Variants in C4orf51 observed in about 807,000 individuals in gnomAD.
C4orf51 encodes chromosome 4 open reading frame 51.
In C4orf51, 25 loss-of-function variants were observed where a neutral mutation model predicts 25.2. That is an observed-to-expected ratio of 0.99 (90% CI 0.72 to 1.39). The LOEUF (loss-of-function observed/expected upper bound fraction) is 1.39, where lower values mean the gene tolerates loss of function less well. C4orf51 is among the 40% of genes most tolerant of loss of function. C4orf51 has a pLI of 0.00. For synonymous variants in C4orf51, 100 were observed against 84.5 expected (o/e 1.18, Z -1.01); for missense variants, 252 against 239.6 (o/e 1.05, Z -0.34).
chr4:145,710,823 C>T (rs1731092585), intron 2 of C4orf51, among the ~76,000 whole-genome samples: 1 of 151,940 alleles, frequency 6.6e-6, no homozygotes, highest in African/African-American at 2.4e-5. Flanking sequence ...AGGGAGCCCT[C>T]TCCTGTTCTG....
rs1225650294 is a variant in C4orf51, at chr4:145,727,952, AATAATATAATAT to A, written c.366+999_366+1010del. On this transcript the variant is annotated intron_variant, in intron 3 of 5. Coordinates refer to ENST00000438731, the MANE Select transcript of C4orf51 (RefSeq NM_001080531.3). ...TATATTATATATATACATTATATAT[AATAATATAATAT>A]ATAATATAATATATACATTATATAT... 7.6e-4 allele frequency among the ~76,000 whole-genome samples: 87 copies of A among 114,042 alleles called. 1 individual carries two copies. In the East Asian group the frequency reaches 0.021, roughly 27 times the overall value. 74.8% of individuals were successfully genotyped at this position (114,042 alleles called of 152,430 possible).
chr4:145,696,317 A>C (rs1730047241), intron 1 of C4orf51, among the ~76,000 whole-genome samples: 1 of 152,128 alleles, frequency 6.6e-6, no homozygotes, highest in African/African-American at 2.4e-5. Context: ...GGGTGGGAGG[A>C]GGGAGAGGAG....
At chr4:145,725,882 T>C (rs1560849541) in intron 2 of C4orf51, among the ~76,000 whole-genome samples, 1 of 152,216 alleles carries the variant, frequency 6.6e-6, no homozygotes, top group Non-Finnish European at 1.5e-5. Context: ...TAAGTTTACT[T>C]AATTCACTGA....
At chr4:145,720,963 G>C (rs892673193) in intron 2 of C4orf51, among the ~76,000 whole-genome samples, 1 of 152,210 alleles carries the variant, frequency 6.6e-6, no homozygotes, top group African/African-American at 2.4e-5. Context: ...TCATGGCAGA[G>C]GGACCTTTTA....
the C4orf51 span, among the ~76,000 whole-genome samples, chr4:145,785,370 C>T: frequency 2.0e-4 from 31 of 152,148 alleles, no homozygotes; most frequent in Non-Finnish European, 2.9e-4. Context: ...CAAAAACTTT[C>T]CTTAATTAAA....
chr4:145,756,652 C>G (rs532699747), downstream of C4orf51, among the ~76,000 whole-genome samples: 8 of 152,298 alleles, frequency 5.3e-5, no homozygotes, highest in African/African-American at 1.9e-4. Flanking sequence ...CCACACCTGC[C>G]TGTAGCACTA....
intron 2 of C4orf51, among the ~76,000 whole-genome samples, chr4:145,724,679 C>T (rs1731940288): frequency 1.3e-5 from 2 of 151,714 alleles, no homozygotes; most frequent in Non-Finnish European, 1.5e-5. Context: ...CTCGGGAGTT[C>T]GAGACCAGCC....
At chr4:145,702,670 G>T (rs1397552500) in intron 2 of C4orf51, among the ~76,000 whole-genome samples, 3 of 152,094 alleles carry the variant, frequency 2.0e-5, no homozygotes, top group African/African-American at 7.2e-5. Flanking sequence ...AATAATCTTT[G>T]CTGGCAGAAC....
downstream of C4orf51, chr4:145,759,009 A>G (rs1014914060): frequency 3.9e-5 from 6 of 152,216 alleles, no homozygotes; most frequent in Non-Finnish European, 5.9e-5. Flanking sequence ...TAGAGGAAGA[A>G]CATTAGGGAT....
At position 145,680,376 on chromosome 4, in the gene C4orf51, A is replaced by G. The variant is rs747606084; in HGVS notation, c.173A>G (p.Asp58Gly). The G allele has an allele frequency of 7.4e-6, 12 of 1,614,014 alleles. No homozygotes were observed. The South Asian group carries it at 1.3e-4, about 18-fold the overall frequency. ...YTGSYRKKQL[D>G]KSMCSQFSFR... ...GGCAGTTACCGGAAAAAACAACTGG[A>G]CAAGTCCATGTGCAGCCAATTTTCT... The change falls in exon 1 of 6, where the codon GAC becomes GGC. Residue 58 changes from aspartate to glycine, a missense_variant. Coordinates refer to ENST00000438731, the MANE Select transcript of C4orf51 (RefSeq NM_001080531.3).
intron 2 of C4orf51, among the ~76,000 whole-genome samples, chr4:145,723,858 C>T (rs906280107): frequency 6.6e-6 from 1 of 152,142 alleles, no homozygotes; most frequent in Non-Finnish European, 1.5e-5. Flanking sequence ...GAACTGTGAC[C>T]TCGCAAAGAA....
chr4:145,683,944 G>T (rs980450387), intron 1 of C4orf51, among the ~76,000 whole-genome samples: 1 of 152,174 alleles, frequency 6.6e-6, no homozygotes. Context: ...GTAAGACAAC[G>T]TCAAGAGAAT....
intron 1 of C4orf51, among the ~76,000 whole-genome samples, chr4:145,690,429 C>T (rs534751563): frequency 6.6e-5 from 10 of 151,988 alleles, no homozygotes; most frequent in South Asian, 4.2e-4. Flanking sequence ...GGCGTGAACC[C>T]GGGAGGCAGA....
At chr4:145,709,617 A>T (rs1731024983) in intron 2 of C4orf51, among the ~76,000 whole-genome samples, 1 of 152,272 alleles carries the variant, frequency 6.6e-6, no homozygotes, top group Non-Finnish European at 1.5e-5. Flanking sequence ...TGAGGCAGAC[A>T]GTCTGGCAGG....
In C4orf51 at chr4:145,763,570, A is replaced by G. The variant is rs1734838287; in HGVS notation, n.167-7418A>G. Among the ~76,000 whole-genome samples the G allele has an allele frequency of 6.6e-6, 1 of 152,170 alleles. No individual in the cohort carries two copies. Among genetic ancestry groups the G allele is most frequent in the Admixed American group, 6.5e-5 (1 of 15,282 alleles). On this transcript the variant is annotated intron_variant and non_coding_transcript_variant, in intron 1 of 1. Transcript: ENST00000510096. The surrounding 1 kb of genome is among the most constrained non-coding windows in gnomAD (Gnocchi z 4.6). ...TCCCCAATGGCTTCAGAGGCTGGGG[A>G]CTTTGGAGGTCCCTGAGGAAAGGCG... is the stretch of plus-strand genomic sequence containing the variant.
At chr4:145,711,925 C>G (rs145627749) in intron 2 of C4orf51, among the ~76,000 whole-genome samples, 8 of 152,186 alleles carry the variant, frequency 5.3e-5, no homozygotes, top group African/African-American at 1.9e-4. Flanking sequence ...AGTATGTATT[C>G]ACTTCTTGTC....
intron 2 of C4orf51, among the ~76,000 whole-genome samples, chr4:145,699,863 C>T (rs1399288137): frequency 2.0e-5 from 3 of 151,738 alleles, no homozygotes; most frequent in African/African-American, 4.8e-5. Context: ...CTCTGCTTTT[C>T]TGGGGGAGGG....
chr4:145,759,492 T>C (rs186332783), intron 1 of C4orf51: 1 of 152,278 alleles, frequency 6.6e-6, no homozygotes, highest in Non-Finnish European at 1.5e-5. Context: ...GAATTACTAA[T>C]AACATGGAGG....
intron 1 of C4orf51, chr4:145,760,719 GGT>G: frequency 1.9e-5 from 16 of 845,934 alleles, no homozygotes; most frequent in Non-Finnish European, 2.1e-5. Context: ...TAAGTTTTGT[GGT>G]TTTTTTTTTT....
Sources: allele counts gnomAD v4.1 joint callset (sites outside exome capture counted in the v4.1 genomes callset), GRCh38; gene constraint gnomAD v4.1.1; non-coding constraint Gnocchi (gnomAD v3.1); transcripts MANE v1.5; gene names NCBI Gene and HGNC (gene_info 2026-07-23, HGNC 2026-07-21).